AGBL1: variants seen among roughly 807,000 people sequenced by gnomAD.
AGBL1 encodes cytosolic carboxypeptidase 4.
In AGBL1, 130 loss-of-function variants were observed where a neutral mutation model predicts 118.9. The observed-to-expected ratio is 1.09, with a 90% CI of 0.95 to 1.26. The LOEUF (loss-of-function observed/expected upper bound fraction) is 1.26, where lower values mean the gene tolerates loss of function less well. AGBL1 is among the 50% of genes most tolerant of loss of function. AGBL1 has a pLI of 0.00. For missense variants in AGBL1, 1,584 were observed against 1,298.1 expected, an observed-to-expected ratio of 1.22 and a Z score of -3.38; for synonymous variants, 555 against 478.9, an observed-to-expected ratio of 1.16 and a Z score of -2.08.
chr15:86,636,963 G>A (rs929257339), intron 21 of AGBL1, among the ~76,000 whole-genome samples: 2 of 151,442 alleles, frequency 1.3e-5, no homozygotes, highest in South Asian at 4.2e-4. Context: ...CATCTTCAAG[G>A]AGTTCAGATT....
chr15:86,811,047 G>C (rs1350189781), intron 22 of AGBL1, among the ~76,000 whole-genome samples: 1 of 152,210 alleles, frequency 6.6e-6, no homozygotes, highest in Non-Finnish European at 1.5e-5. Context: ...GGTTATTAGA[G>C]AAAGAGAGAA....
intron 21 of AGBL1, chr15:86,556,370 C>A: frequency 8.2e-7 from 1 of 1,218,978 alleles, no homozygotes; most frequent in Non-Finnish European, 1.2e-6. Flanking sequence ...GGAGAACTGG[C>A]TAGAGAAAGC....
intron 6 of AGBL1, among the ~76,000 whole-genome samples, chr15:86,244,971 A>G (rs191222216): frequency 1.3e-5 from 2 of 152,344 alleles, no homozygotes; most frequent in Admixed American, 1.3e-4. Context: ...CAAAAGAACA[A>G]TTCATTAAAG....
intron 20 of AGBL1, among the ~76,000 whole-genome samples, chr15:86,546,684 C>T (rs1459083155): frequency 2.0e-5 from 3 of 152,236 alleles, no homozygotes; most frequent in African/African-American, 7.2e-5. Context: ...TCCACTGACC[C>T]TAATTCTATT....
intron 22 of AGBL1, among the ~76,000 whole-genome samples, chr15:86,678,662 A>T (rs555017191): frequency 6.6e-6 from 1 of 151,982 alleles, no homozygotes; most frequent in Non-Finnish European, 1.5e-5. Flanking sequence ...ATGTTTATCA[A>T]TTCTTTTCTT....
intron 21 of AGBL1, among the ~76,000 whole-genome samples, chr15:86,620,266 A>G (rs1394545756): frequency 2.0e-5 from 3 of 152,166 alleles, no homozygotes; most frequent in South Asian, 2.1e-4. Flanking sequence ...CACTCTGTCC[A>G]CCTCAGACTT....
chr15:86,748,881 G>A lies in AGBL1; in HGVS notation c.3158+74445G>A, dbSNP rs1229461471. ...TCCATTGGTCTATATCTCTGTTTTG[G>A]TACCAGTTCCATGCTCTTTTGGTTA... On this transcript the variant is annotated intron_variant, in intron 22 of 22. Coordinates refer to ENST00000614907, the MANE Select transcript of AGBL1 (RefSeq NM_001386094.1). Among the ~76,000 whole-genome samples the A allele has an allele frequency of 2.0e-5, 3 of 151,974 alleles. No homozygotes were observed. In the East Asian group the frequency reaches 5.8e-4, roughly 30 times the overall value.
At chr15:86,686,227 C>T (rs1177784351) in intron 22 of AGBL1, among the ~76,000 whole-genome samples, 1 of 151,974 alleles carries the variant, frequency 6.6e-6, no homozygotes, top group African/African-American at 2.4e-5. Context: ...TTAAAGAAGG[C>T]CTGGAGAGTT....
chr15:86,152,091 G>T (rs946102032), intron 3 of AGBL1, among the ~76,000 whole-genome samples: 1 of 152,086 alleles, frequency 6.6e-6, no homozygotes, highest in African/African-American at 2.4e-5. Flanking sequence ...TGGCCATACT[G>T]CCCGAAGTAA....
At chr15:86,272,476 T>C (rs1417974184) in intron 15 of AGBL1, among the ~76,000 whole-genome samples, 3 of 152,216 alleles carry the variant, frequency 2.0e-5, no homozygotes, top group Non-Finnish European at 2.9e-5. Flanking sequence ...GTACTTACTT[T>C]CTTAAATAAA....
chr15:86,982,495 T>C (rs1213233094), intron 23 of AGBL1, among the ~76,000 whole-genome samples: 1 of 151,788 alleles, frequency 6.6e-6, no homozygotes, highest in Non-Finnish European at 1.5e-5. Context: ...CATTTACTTA[T>C]ACATGGATTC....
intron 17 of AGBL1, among the ~76,000 whole-genome samples, chr15:86,359,828 G>A (rs1284606063): frequency 2.6e-5 from 4 of 151,522 alleles, no homozygotes; most frequent in Non-Finnish European, 4.4e-5. Flanking sequence ...ATTATGAGTG[G>A]GGTTCTTTCT....
rs1429206623 is a variant in AGBL1, at chr15:86,625,364, C to CCTTTTTTTTTTTTTTTTTTTTTTT, written c.2995-48909_2995-48908insCTTTTTTTTTTTTTTTTTTTTTTT. 7.3e-5 allele frequency among the ~76,000 whole-genome samples: 5 copies of CCTTTTTTTTTTTTTTTTTTTTTTT among 68,260 alleles called. 2 individuals are homozygous for CCTTTTTTTTTTTTTTTTTTTTTTT. Among genetic ancestry groups the CCTTTTTTTTTTTTTTTTTTTTTTT allele is most frequent in the Non-Finnish European group, 5.6e-5 (2 of 35,668 alleles). The allele number at this position is 68,260 out of a possible 152,430, so 44.8% of individuals were successfully genotyped here. ...CAGCCTCCAAGGTAGAAGAAATTAG[C>CCTTTTTTTTTTTTTTTTTTTTTTT]GTTTTTTTTTTTTTGTTTTTGTTTT... On this transcript the variant is annotated intron_variant, in intron 21 of 22. Transcript: ENST00000614907.
At chr15:86,099,225 T>C (rs1245698432) in intron 1 of AGBL1, among the ~76,000 whole-genome samples, 1 of 152,166 alleles carries the variant, frequency 6.6e-6, no homozygotes, top group Non-Finnish European at 1.5e-5. Context: ...AAATAACTAA[T>C]AAAAATCAGA....
chr15:86,535,661 C>G (rs1355738764), intron 19 of AGBL1, among the ~76,000 whole-genome samples: 1 of 152,154 alleles, frequency 6.6e-6, no homozygotes, highest in Non-Finnish European at 1.5e-5. Flanking sequence ...GTAGTTTTGT[C>G]TTTCTCTGGG....
intron 5 of AGBL1, among the ~76,000 whole-genome samples, chr15:86,199,321 T>C (rs1475506845): frequency 6.6e-6 from 1 of 152,202 alleles, no homozygotes. Context: ...ATATTATATA[T>C]ATATCTCCAA....
chr15:86,773,649 T>TA (rs1279139185), intron 22 of AGBL1, among the ~76,000 whole-genome samples: 1 of 150,978 alleles, frequency 6.6e-6, no homozygotes, highest in African/African-American at 2.4e-5. Context: ...AGTATAATAA[T>TA]AAAAAAAGAA....
intron 21 of AGBL1, among the ~76,000 whole-genome samples, chr15:86,624,592 G>C (rs1296233495): frequency 6.6e-6 from 1 of 152,184 alleles, no homozygotes; most frequent in Non-Finnish European, 1.5e-5. Context: ...TTTAATTAAG[G>C]CTGGAAGTGG....
intron 22 of AGBL1, among the ~76,000 whole-genome samples, chr15:86,768,034 A>C (rs2078121261): frequency 1.3e-5 from 2 of 151,982 alleles, no homozygotes; most frequent in Admixed American, 1.3e-4. Context: ...TTATACAGAA[A>C]GAACTCATCA....
Sources: gnomAD v4.1 joint callset for allele counts (sites outside exome capture counted in the v4.1 genomes callset) on GRCh38, gnomAD v4.1.1 for gene constraint, MANE v1.5 for transcripts, NCBI Gene and HGNC (gene_info 2026-07-23, HGNC 2026-07-21) for gene names.